KCNMA1: variants seen among roughly 807,000 people sequenced by gnomAD.
The protein encoded by KCNMA1 is potassium calcium-activated channel subfamily M alpha 1.
KCNMA1 carries 29 observed loss-of-function variants against 140.0 expected under a neutral mutation model. The ratio of observed to expected loss-of-function variants is 0.21; its 90% CI spans 0.15 to 0.28. The LOEUF (loss-of-function observed/expected upper bound fraction) is 0.28, where lower values mean the gene tolerates loss of function less well. Ranked by LOEUF, KCNMA1 falls within the 10% of genes least tolerant of loss-of-function variation. KCNMA1 has a pLI of 1.00. For synonymous variants in KCNMA1, 612 were observed against 611.9 expected (o/e 1.00, Z 0.00); for missense variants, 880 against 1,602.2 (o/e 0.55, Z 7.70).
chr10:77,513,327 A>T (rs943473586), intron 1 of KCNMA1, among the ~76,000 whole-genome samples: 1 of 152,114 alleles, frequency 6.6e-6, no homozygotes, highest in African/African-American at 2.4e-5. Context: ...GGCTTTTCCC[A>T]TCCATCACAA....
intron 9 of KCNMA1, among the ~76,000 whole-genome samples, chr10:77,095,302 G>A (rs557566878): frequency 6.6e-6 from 1 of 152,250 alleles, no homozygotes; most frequent in Non-Finnish European, 1.5e-5. Flanking sequence ...TGCTAGGTCT[G>A]GATCTGTAAA....
intron 5 of KCNMA1, among the ~76,000 whole-genome samples, chr10:77,156,665 T>C (rs1330021456): frequency 2.6e-5 from 4 of 152,246 alleles, no homozygotes; most frequent in Non-Finnish European, 5.9e-5. Context: ...AACCAGCCAT[T>C]GTTCTGGAGG....
chr10:77,163,376 G>A (rs2098594116), intron 5 of KCNMA1, among the ~76,000 whole-genome samples: 1 of 152,156 alleles, frequency 6.6e-6, no homozygotes, highest in Non-Finnish European at 1.5e-5. Context: ...AGATCATACA[G>A]CCCCTGAAGC....
chr10:77,338,275 C>T (rs1166321792), intron 2 of KCNMA1, among the ~76,000 whole-genome samples: 1 of 152,196 alleles, frequency 6.6e-6, no homozygotes, highest in East Asian at 1.9e-4. Flanking sequence ...CAGACTCCTG[C>T]CTTTTATATA....
chr10:76,995,776 C>T (rs1458542049), intron 19 of KCNMA1: 2 of 439,652 alleles, frequency 4.5e-6, no homozygotes, highest in African/African-American at 4.1e-5. Flanking sequence ...TCTGGGCTTA[C>T]ATGAGGCATG....
downstream of KCNMA1, among the ~76,000 whole-genome samples, chr10:76,882,743 C>G (rs2035177952): frequency 6.6e-6 from 1 of 152,204 alleles, no homozygotes; most frequent in Non-Finnish European, 1.5e-5. Context: ...AGATTCTTCA[C>G]TAATCCCTTT....
intron 6 of KCNMA1, among the ~76,000 whole-genome samples, chr10:77,116,364 T>C (rs1203139433): frequency 6.6e-6 from 1 of 152,124 alleles, no homozygotes; most frequent in Non-Finnish European, 1.5e-5. Context: ...GCTCCAGAGA[T>C]TACAGCTGTA....
At chr10:77,131,695 T>C (rs2097860804) in intron 5 of KCNMA1, among the ~76,000 whole-genome samples, 1 of 152,074 alleles carries the variant, frequency 6.6e-6, no homozygotes, top group African/African-American at 2.4e-5. Context: ...CCAGGCACGG[T>C]GGCTCATGCC....
chr10:76,971,974 G>GTGTGTGT (rs1592368861), intron 19 of KCNMA1, among the ~76,000 whole-genome samples: 1 of 148,796 alleles, frequency 6.7e-6, no homozygotes, highest in African/African-American at 2.5e-5. Flanking sequence ...AGGGTGTGTG[G>GTGTGTGT]GTGTGTGTGT....
intron 1 of KCNMA1, among the ~76,000 whole-genome samples, chr10:77,463,135 C>T (rs1370552894): frequency 6.6e-6 from 1 of 152,158 alleles, no homozygotes; most frequent in African/African-American, 2.4e-5. Context: ...CTCACTTCTA[C>T]CTGAGGTAAC....
Position 77,284,857 on chromosome 10 carries a change from T to C in KCNMA1, c.541-33601A>G, listed in dbSNP as rs934168898. Among the ~76,000 whole-genome samples, 4 of 152,264 alleles carry C rather than the reference T, an allele frequency of 2.6e-5. 1 individual carries two copies. Among genetic ancestry groups the C allele is most frequent in the Admixed American group, 2.6e-4 (4 of 15,300 alleles). ...AATATTGAGCTAAATGCCAGTGTCA[T>C]TCTTCTGTAAATATATGTAATTGCC... On this transcript the variant is annotated intron_variant, in intron 2 of 27. Transcript: ENST00000286628.
chr10:77,079,496 C>A lies in KCNMA1; in HGVS notation c.1578G>T (p.Leu526=), dbSNP rs74140280. 5,390 of 1,612,106 alleles carry A rather than the reference C, an allele frequency of 3.3e-3. 165 individuals are homozygous for A. In the African/African-American group the frequency reaches 0.061, roughly 18 times the overall value. Residue 526 remains leucine, a synonymous_variant, in exon 13 of 28, where the codon CTG becomes CTT. Transcript: ENST00000286628. ...GCACTCCTACCTTGTTGTGATACTG[C>A]AGCATTTGAGTGATGATTCTTATCT... ...HPKIRIITQM[L]QYHNKAHLLN...
Position 76,886,673 on chromosome 10 carries a change from G to A in KCNMA1, c.*593C>T. ...AATCACTGATGTTCTCTTGCAACAAGCAGGTCCTTCATAATCATCTACACA... is the reference window on the plus strand; with the variant it reads ...AATCACTGATGTTCTCTTGCAACAAACAGGTCCTTCATAATCATCTACACA... On this transcript the variant is annotated 3_prime_UTR_variant, in exon 28 of 28. Transcript: ENST00000286628. 2.0e-6 allele frequency: 2 copies of A among 994,028 alleles called. No individual in the cohort carries two copies. The highest frequency in any genetic ancestry group is 1.7e-5 in the African/African-American group (1 of 57,362). The allele number at this position is 994,028 out of a possible 1,614,324, so 61.6% of individuals were successfully genotyped here. A position where few individuals can be genotyped will look rare whatever the true frequency, so the allele number is the denominator to read the frequency against.
At chr10:77,189,014 A>G (rs2098912945) in intron 3 of KCNMA1, among the ~76,000 whole-genome samples, 1 of 152,040 alleles carries the variant, frequency 6.6e-6, no homozygotes, top group South Asian at 2.1e-4. Context: ...CTGTGAAGCT[A>G]CTTCTCCAGG....
chr10:77,181,043 G>A (rs894702040), intron 5 of KCNMA1, among the ~76,000 whole-genome samples: 7 of 152,064 alleles, frequency 4.6e-5, no homozygotes, highest in Non-Finnish European at 8.8e-5. Context: ...CACTTTTACC[G>A]GGGGCATGTT....
chr10:77,210,524 C>T (rs2045708225), intron 3 of KCNMA1, among the ~76,000 whole-genome samples: 2 of 152,162 alleles, frequency 1.3e-5, no homozygotes, highest in South Asian at 4.2e-4. Flanking sequence ...CTCCCGCTCT[C>T]ATTACTCCTA....
chr10:77,137,706 A>G (rs1352921336), intron 5 of KCNMA1, among the ~76,000 whole-genome samples: 1 of 152,200 alleles, frequency 6.6e-6, no homozygotes, highest in Non-Finnish European at 1.5e-5. Flanking sequence ...TGTGTGTTCT[A>G]TAAACAGTTC....
intron 3 of KCNMA1, 138 bp from the exon 4 acceptor site, chr10:77,185,054 C>T (rs192910419): frequency 7.3e-4 from 513 of 701,322 alleles, no homozygotes; most frequent in Non-Finnish European, 1.1e-3. Context: ...GGTCTTTCTG[C>T]CTCCTGGGAT....
chr10:77,573,636 T>TA (rs1567635932), intron 1 of KCNMA1, among the ~76,000 whole-genome samples: 2 of 68,510 alleles, frequency 2.9e-5, no homozygotes, highest in African/African-American at 5.9e-5. Context: ...TGGAATGGAA[T>TA]GGAATGGAAT....
Sources: gnomAD v4.1 joint callset for allele counts (sites outside exome capture counted in the v4.1 genomes callset) on GRCh38, gnomAD v4.1.1 for gene constraint, MANE v1.5 for transcripts, NCBI Gene and HGNC (gene_info 2026-07-23, HGNC 2026-07-21) for gene names.